The following KREMEN1 variants were observed in gnomAD, a reference collection of about 807,000 sequenced individuals.
KREMEN1 encodes the protein kringle containing transmembrane protein 1.
KREMEN1 carries 30 observed loss-of-function variants against 46.5 expected under a neutral mutation model. The observed-to-expected ratio is 0.65, with a 90% CI of 0.48 to 0.88. The LOEUF (loss-of-function observed/expected upper bound fraction) is 0.88. Among genes scored for constraint, KREMEN1 ranks in the 40% least tolerant of loss-of-function variants. The pLI is 0.00. For missense variants in KREMEN1, 533 were observed against 596.9 expected (o/e 0.89, Z 1.11); for synonymous variants, 214 against 230.6 (o/e 0.93, Z 0.65).
chr22:29,129,402 G>A (rs889506540), intron 5 of KREMEN1, among the ~76,000 whole-genome samples: 7 of 151,936 alleles, frequency 4.6e-5, no homozygotes, highest in African/African-American at 9.7e-5. Flanking sequence ...CTCAAGTACC[G>A]CCTCATGGAA....
rs558295348 is a variant in KREMEN1, at chr22:29,136,227, G to A, written c.632-1115G>A. On this transcript the variant is annotated intron_variant, in intron 5 of 8. Transcript: ENST00000400335. ...GTGAGCCACCGCGCCCGGACTGCTTGTTGTTTTCTACATCCTAAAGGGAAC... is the reference window on the plus strand; with the variant it reads ...GTGAGCCACCGCGCCCGGACTGCTTATTGTTTTCTACATCCTAAAGGGAAC... Among the ~76,000 whole-genome samples, 20 of 151,210 alleles carry A rather than the reference G, an allele frequency of 1.3e-4. No individual in the cohort carries two copies. The South Asian group carries it at 4.2e-3, about 32-fold the overall frequency.
chr22:29,155,626 A>T (rs986968830), intron 9 of KREMEN1, among the ~76,000 whole-genome samples: 2 of 152,178 alleles, frequency 1.3e-5, no homozygotes, highest in Non-Finnish European at 2.9e-5. Flanking sequence ...TTCATGCATT[A>T]CATGTGCAAG....
intron 9 of KREMEN1, among the ~76,000 whole-genome samples, chr22:29,153,158 C>T (rs556329135): frequency 9.8e-5 from 15 of 152,296 alleles, no homozygotes; most frequent in African/African-American, 3.4e-4. Context: ...TTATAATTAG[C>T]ATATAATGAC....
exon 10 of KREMEN1, chr22:29,167,278 G>A: frequency 1.6e-6 from 1 of 631,608 alleles, no homozygotes; most frequent in Non-Finnish European, 2.9e-6. Flanking sequence ...AGGATTGCTT[G>A]AGCCCAGGAG....
chr22:29,126,702 T>TAC (rs1476876442), intron 5 of KREMEN1, among the ~76,000 whole-genome samples: 1 of 152,246 alleles, frequency 6.6e-6, no homozygotes, highest in Non-Finnish European at 1.5e-5. Context: ...CAGCCAAGGT[T>TAC]TATAACTGAG....
intron 1 of KREMEN1, among the ~76,000 whole-genome samples, chr22:29,079,891 C>G (rs2037627983): frequency 6.6e-6 from 1 of 152,208 alleles, no homozygotes; most frequent in South Asian, 2.1e-4. Flanking sequence ...ATGTAAATTA[C>G]TTGCTGTTGT....
intron 3 of KREMEN1, among the ~76,000 whole-genome samples, chr22:29,121,112 T>TA (rs397714542): frequency 1.5e-4 from 23 of 150,096 alleles, no homozygotes; most frequent in African/African-American, 3.5e-4. Context: ...TTTTTTTTTT[T>TA]AAATACGTAT....
chr22:29,151,881 A>C (rs749596850), intron 9 of KREMEN1, among the ~76,000 whole-genome samples: 30 of 151,926 alleles, frequency 2.0e-4, no homozygotes, highest in Non-Finnish European at 4.0e-4. Context: ...GTGGTAGCAC[A>C]TGCCTGTAAT....
At position 29,138,659 on chromosome 22, in the gene KREMEN1, G is replaced by A. The variant is rs764969123; in HGVS notation, c.1000G>A (p.Val334Ile). ...KEELPQERPAVNQTVAEVITE... is the reference protein window; with the variant it reads ...KEELPQERPAINQTVAEVITE... ...AGAACTGCCACAGGAGAGGCCCGCT[G>A]TCAACCAGACGGTGGCCGAGGTGAT... Residue 334 changes from valine to isoleucine, a missense_variant, in exon 7 of 9, where the codon GTC (valine) becomes ATC (isoleucine). Val to Ile is a conservative substitution (Grantham distance 29, BLOSUM62 3). Coordinates refer to ENST00000400335, the MANE Select transcript of KREMEN1 (RefSeq NM_001039570.3). 1 of 1,614,140 alleles carries A rather than the reference G, an allele frequency of 6.2e-7. No homozygotes were observed. Among genetic ancestry groups the A allele is most frequent in the East Asian group, 2.2e-5 (1 of 44,902 alleles).
At chr22:29,165,277 G>T (rs985423133) in intron 9 of KREMEN1, among the ~76,000 whole-genome samples, 7 of 152,088 alleles carry the variant, frequency 4.6e-5, no homozygotes. Context: ...CGATGTGGTA[G>T]TGTGTACTTG....
chr22:29,133,169 A>G (rs944447745), intron 5 of KREMEN1, among the ~76,000 whole-genome samples: 9 of 149,204 alleles, frequency 6.0e-5, no homozygotes, highest in Admixed American at 3.4e-4. Flanking sequence ...AATGGCGTGA[A>G]CCCAGGAGGT....
chr22:29,115,422 G>C (rs2038222087), intron 3 of KREMEN1, among the ~76,000 whole-genome samples: 1 of 131,594 alleles, frequency 7.6e-6, no homozygotes, highest in South Asian at 2.4e-4. Flanking sequence ...TGTTCCCCAA[G>C]AACCTATGGA....
Position 29,143,980 on chromosome 22 carries a change from G to A in KREMEN1, c.*1868G>A. ...ATTGAGTGCTGCAGCTGTAGTGGCT[G>A]CTGGTTGGGAGAGTAAGTGCCATCA... On this transcript the variant is annotated 3_prime_UTR_variant, in exon 9 of 9. Transcript: ENST00000400335. The A allele has an allele frequency of 1.0e-6, 1 of 985,472 alleles. No individual in the cohort carries two copies. The allele number at this position is 985,472 out of a possible 1,614,324, so 61.0% of individuals were successfully genotyped here.
At chr22:29,112,192 A>T (rs2038163629) in intron 3 of KREMEN1, among the ~76,000 whole-genome samples, 1 of 152,092 alleles carries the variant, frequency 6.6e-6, no homozygotes, top group Admixed American at 6.6e-5. Context: ...CTCAACTCCT[A>T]CTTGACAAAT....
intron 1 of KREMEN1, among the ~76,000 whole-genome samples, chr22:29,078,075 GACCCTGTCTCTGTAAA>G (rs779504216): frequency 4.2e-4 from 64 of 152,168 alleles, no homozygotes; most frequent in Non-Finnish European, 8.1e-4. Flanking sequence ...AACATAGTGA[GACCCTGTCTCTGTAAA>G]ACCCTGTCTC....
In KREMEN1 at chr22:29,143,532, G is replaced by C; in HGVS notation, c.*1420G>C. 1 of 888,640 alleles carries C rather than the reference G, an allele frequency of 1.1e-6. No individual in the cohort carries two copies. Among genetic ancestry groups the C allele is most frequent in the Non-Finnish European group, 1.3e-6 (1 of 741,774 alleles). The allele number at this position is 888,640 out of a possible 1,614,324, so 55.0% of individuals were successfully genotyped here. Reference sequence around the variant, plus strand: ...CTGAGGCGGGTGGATCACGAGGTCAGGTGATCGAAACCATCCTGGCTAAGA... The same window carrying C: ...CTGAGGCGGGTGGATCACGAGGTCACGTGATCGAAACCATCCTGGCTAAGA... On this transcript the variant is annotated 3_prime_UTR_variant, in exon 9 of 9. Coordinates refer to ENST00000400335, the MANE Select transcript of KREMEN1 (RefSeq NM_001039570.3).
chr22:29,106,832 T>G (rs2038068478), intron 3 of KREMEN1, among the ~76,000 whole-genome samples: 1 of 152,238 alleles, frequency 6.6e-6, no homozygotes, highest in African/African-American at 2.4e-5. Context: ...TTATTAAGAT[T>G]GCTTTTGTGA....
chr22:29,134,876 C>T (rs1319655845), intron 5 of KREMEN1, among the ~76,000 whole-genome samples: 1 of 152,132 alleles, frequency 6.6e-6, no homozygotes, highest in African/African-American at 2.4e-5. Context: ...ATGCCTGTGC[C>T]ACAGAGGGGC....
downstream of KREMEN1, among the ~76,000 whole-genome samples, chr22:29,150,497 G>A (rs1473511351): frequency 6.6e-6 from 1 of 152,252 alleles, no homozygotes; most frequent in Non-Finnish European, 1.5e-5. Context: ...CAACAGTGAA[G>A]CTGCAGATCC....
Sources: allele counts gnomAD v4.1 joint callset (sites outside exome capture counted in the v4.1 genomes callset), GRCh38; gene constraint gnomAD v4.1.1; transcripts MANE v1.5; gene names NCBI Gene and HGNC (gene_info 2026-07-23, HGNC 2026-07-21).